The following ABCA8 variants were observed in gnomAD, a reference collection of about 807,000 sequenced individuals.
ABCA8 encodes ATP binding cassette subfamily A member 8.
In ABCA8, 177 loss-of-function variants were observed where a neutral mutation model predicts 192.3. The observed-to-expected ratio is 0.92, with a 90% CI of 0.81 to 1.04. The LOEUF is 1.04. Among genes scored for constraint, ABCA8 ranks in the 50% least tolerant of loss-of-function variants. The pLI is 0.00. For synonymous variants in ABCA8, 642 were observed against 690.2 expected, an observed-to-expected ratio of 0.93 and a Z score of 1.09; for missense variants, 1,915 against 1,904.8, an observed-to-expected ratio of 1.01 and a Z score of -0.10.
rs1555607357 is a variant in ABCA8, at chr17:68,887,894, A to ATATATATATATATATATATATAT, written c.3145-389_3145-388insATATATATATATATATATATATA. On this transcript the variant is annotated intron_variant, in intron 24 of 39. Coordinates refer to ENST00000586539, the MANE Select transcript of ABCA8 (RefSeq NM_001288985.2). ...TTTTCTCTCCTCCATATATATATAT[A>ATATATATATATATATATATATAT]TATATATATATATCCATATATATAT... is the stretch of plus-strand genomic sequence containing the variant. 2.7e-4 allele frequency among the ~76,000 whole-genome samples: 12 copies of ATATATATATATATATATATATAT among 43,814 alleles called. No individual in the cohort carries two copies. In the East Asian group the frequency reaches 0.043, roughly 155 times the overall value. 28.7% of individuals were successfully genotyped at this position (43,814 alleles called of 152,430 possible).
chr17:68,929,812 T>A, intron 7 of ABCA8, 110 bp from the exon 8 acceptor site: 1 of 1,000,362 alleles, frequency 1.0e-6, no homozygotes, highest in Non-Finnish European at 1.4e-6. Flanking sequence ...ATTCATTCTC[T>A]CTTTCAACAT....
At position 68,907,899 on chromosome 17, in the gene ABCA8, A is replaced by G. The variant is rs1379609039; in HGVS notation, c.2139-20T>C. ...TGCAAGCTGGCATTCAGAAAAAAAA[A>G]AAAAGACATATGTTACTCGACATAG... On this transcript the variant is annotated intron_variant, in intron 17 of 39. Transcript: ENST00000586539. The G allele has an allele frequency of 6.4e-7, 1 of 1,567,596 alleles. No homozygotes were observed. Among genetic ancestry groups the G allele is most frequent in the Non-Finnish European group, 8.6e-7 (1 of 1,163,376 alleles).
intron 16 of ABCA8, 98 bp downstream of exon 16, chr17:68,917,949 G>T (rs1231800538): frequency 1.4e-6 from 2 of 1,426,524 alleles, no homozygotes; most frequent in Non-Finnish European, 1.9e-6. Flanking sequence ...GATACAGCTA[G>T]ATTACCGAAT....
chr17:68,894,223 T>C lies in ABCA8; in HGVS notation c.2986A>G (p.Met996Val), dbSNP rs1237157689. ...CGGATATGTACTGATGGTTTAACCA[T>C]TCCAAGTAGCCCATTACTAACAATG... Reference protein sequence around the residue: ...MDIVSNGLLGMVKPSVHIRTE... With the variant: ...MDIVSNGLLGVVKPSVHIRTE... The change falls in exon 23 of 40, where the codon ATG (methionine) becomes GTG (valine). Residue 996 changes from methionine (M) to valine (V), a missense_variant. Met to Val is a conservative substitution (Grantham distance 21). Transcript: ENST00000586539. 6.2e-7 allele frequency: 1 copy of C among 1,613,420 alleles called. No individual in the cohort carries two copies. Among genetic ancestry groups the C allele is most frequent in the South Asian group, 1.1e-5 (1 of 91,060 alleles).
At position 68,887,881 on chromosome 17, in the gene ABCA8, C is replaced by CATATATATATATAT. The variant is rs1202636158; in HGVS notation, c.3145-389_3145-376dup. Among the ~76,000 whole-genome samples the CATATATATATATAT allele has an allele frequency of 7.9e-3, 539 of 68,114 alleles. 10 individuals carry two copies. The highest frequency in any genetic ancestry group is 0.023 in the African/African-American group (311 of 13,730). 44.7% of individuals were successfully genotyped at this position (68,114 alleles called of 152,430 possible). On this transcript the variant is annotated intron_variant, in intron 24 of 39. Coordinates refer to ENST00000586539, the MANE Select transcript of ABCA8 (RefSeq NM_001288985.2). Reference sequence around the variant, plus strand: ...ATTCCTCTCTCTCTTTTCTCTCCTCCATATATATATATATATATATATATA... The same window carrying CATATATATATATAT: ...ATTCCTCTCTCTCTTTTCTCTCCTCCATATATATATATATATATATATATATATATATATATATA...
At chr17:68,909,905 G>C (rs986417151) in intron 17 of ABCA8, among the ~76,000 whole-genome samples, 1 of 152,070 alleles carries the variant, frequency 6.6e-6, no homozygotes, top group Admixed American at 6.5e-5. Context: ...AACAAAAACA[G>C]TAGTTTAAAA....
At chr17:68,887,614 T>C (rs1450972212) in intron 24 of ABCA8, 108 bp from the exon 25 acceptor site, 1 of 966,486 alleles carries the variant, frequency 1.0e-6, no homozygotes, top group African/African-American at 1.6e-5. Context: ...AGATTATGTC[T>C]ACAAATGTAA....
At chr17:68,870,309 G>A (rs1477632885) in intron 37 of ABCA8, among the ~76,000 whole-genome samples, 3 of 152,166 alleles carry the variant, frequency 2.0e-5, no homozygotes, top group Admixed American at 6.5e-5. Context: ...GATCACTGTG[G>A]ACTTAGTTCT....
At chr17:68,952,858 T>A (rs779544531) in intron 1 of ABCA8, among the ~76,000 whole-genome samples, 3 of 152,156 alleles carry the variant, frequency 2.0e-5, no homozygotes, top group East Asian at 1.9e-4. Flanking sequence ...AGTTTCAGCA[T>A]GTTCAATCTT....
At chr17:68,882,104 ATT>A in intron 30 of ABCA8, 124 bp from the exon 31 acceptor site, 1 of 761,916 alleles carries the variant, frequency 1.3e-6, no homozygotes, top group Non-Finnish European at 2.2e-6. Context: ...AAGACCTTCT[ATT>A]TGGTGACATG....
Position 68,876,714 on chromosome 17 carries a change from C to T in ABCA8, c.4200-11G>A, listed in dbSNP as rs377160191. The T allele has an allele frequency of 1.7e-5, 27 of 1,613,996 alleles. No homozygotes were observed. The African/African-American group carries it at 3.5e-4, about 21-fold the overall frequency. On this transcript the variant is annotated splice_polypyrimidine_tract_variant and intron_variant, in intron 33 of 39. Coordinates refer to ENST00000586539, the MANE Select transcript of ABCA8 (RefSeq NM_001288985.2). ...AGCGCATCCACTAACCTGAAGGAAA[C>T]AGGAGAGTCGTACAGTCTTCTTGAC...
chr17:68,936,439 T>G (rs1032626511), intron 5 of ABCA8, among the ~76,000 whole-genome samples: 4 of 152,118 alleles, frequency 2.6e-5, no homozygotes, highest in Non-Finnish European at 4.4e-5. Context: ...AAAGGATTTT[T>G]CCCCCAGTGT....
Position 68,922,227 on chromosome 17 carries a change from T to TAAATTTAAAG in ABCA8, c.1501+14_1501+15insCTTTAAATTT. The TAAATTTAAAG allele has an allele frequency of 2.3e-6, 1 of 437,524 alleles. No individual in the cohort carries two copies. The highest frequency in any genetic ancestry group is 3.2e-6 in the Non-Finnish European group (1 of 309,192). 27.1% of individuals were successfully genotyped at this position (437,524 alleles called of 1,614,324 possible). On this transcript the variant is annotated intron_variant, in intron 12 of 39. Transcript: ENST00000586539. ...TTTTTTTTTTTTTTTTTTTTTTTTT[T>TAAATTTAAAG]TTTTTTTTTTTTACCTTTCAAGGCT...
chr17:68,896,348 A>G (rs779588740), intron 21 of ABCA8, among the ~76,000 whole-genome samples: 10 of 152,236 alleles, frequency 6.6e-5, no homozygotes, highest in Non-Finnish European at 1.3e-4. Flanking sequence ...GACTTTTCCT[A>G]CAAACAAGAC....
At chr17:68,875,765 G>A in intron 35 of ABCA8, 32 bp from the exon 36 acceptor site, 1 of 1,594,084 alleles carries the variant, frequency 6.3e-7, no homozygotes, top group Non-Finnish European at 8.5e-7. Flanking sequence ...TGCAATTTAG[G>A]AAATCCTCTA....
rs764908709 is a variant in ABCA8, at chr17:68,921,380, A to G, written c.1612+2T>C. ...AAAAAAAGAAAACAAACTAGTTTGTACCTTTGGTGGGAACAGACAACCCAC... is the reference window on the plus strand; with the variant it reads ...AAAAAAAGAAAACAAACTAGTTTGTGCCTTTGGTGGGAACAGACAACCCAC... On this transcript the variant is annotated splice_donor_variant, in intron 13 of 39. Transcript: ENST00000586539. LOFTEE classifies it high-confidence loss of function. The G allele has an allele frequency of 1.9e-6, 3 of 1,598,438 alleles. No homozygotes were observed. The highest frequency in any genetic ancestry group is 1.7e-6 in the Non-Finnish European group (2 of 1,171,726).
chr17:68,914,877 A>G (rs927582188), intron 17 of ABCA8, among the ~76,000 whole-genome samples: 1 of 121,918 alleles, frequency 8.2e-6, no homozygotes, highest in Non-Finnish European at 1.7e-5. Context: ...GAATCACATC[A>G]TCGGACTTCA....
At chr17:68,938,492 T>A (rs1016903879) in intron 4 of ABCA8, among the ~76,000 whole-genome samples, 1 of 152,198 alleles carries the variant, frequency 6.6e-6, no homozygotes, top group Admixed American at 6.5e-5. Flanking sequence ...GCATAGGTTC[T>A]CCTTAGAAGA....
rs1253038718 is a variant in ABCA8 at position 68,913,320 on chromosome 17, A to G, written c.2138+4041T>C. On this transcript the variant is annotated intron_variant, in intron 17 of 39. Coordinates refer to ENST00000586539, the MANE Select transcript of ABCA8 (RefSeq NM_001288985.2). ...GAGAAAAACTTCAAACAAACAACCT[A>G]ACGACACTTCTTAAAAACTAGAGAA... Among the ~76,000 whole-genome samples the G allele has an allele frequency of 2.0e-5, 3 of 152,072 alleles. No homozygotes were observed. In the East Asian group the frequency reaches 5.8e-4, roughly 29 times the overall value.
Sources: gnomAD v4.1 joint callset for allele counts (sites outside exome capture counted in the v4.1 genomes callset) on GRCh38, gnomAD v4.1.1 for gene constraint, MANE v1.5 for transcripts, NCBI Gene and HGNC (gene_info 2026-07-23, HGNC 2026-07-21) for gene names.